PKP4: variants seen among roughly 807,000 people sequenced by gnomAD.
The protein encoded by PKP4 is plakophilin 4.
PKP4 carries 90 observed loss-of-function variants against 145.1 expected under a neutral mutation model. The observed-to-expected ratio is 0.62, with a 90% CI of 0.52 to 0.74. PKP4 has a LOEUF of 0.74. Among genes scored for constraint, PKP4 ranks in the 30% least tolerant of loss-of-function variants. The pLI is 0.00. For synonymous variants in PKP4, 563 were observed against 577.2 expected (o/e 0.98, Z 0.35); for missense variants, 1,340 against 1,482.7 (o/e 0.90, Z 1.58).
intron 3 of PKP4, among the ~76,000 whole-genome samples, chr2:158,595,997 C>T (rs561999502): frequency 6.8e-6 from 1 of 147,372 alleles, no homozygotes; most frequent in African/African-American, 2.5e-5. Context: ...AACTCATTGC[C>T]AAAAAATAAA....
intron 1 of PKP4, among the ~76,000 whole-genome samples, chr2:158,479,217 TTTA>T (rs979796355): frequency 2.0e-5 from 3 of 151,942 alleles, no homozygotes; most frequent in Admixed American, 1.3e-4. Flanking sequence ...TTAAATTTAT[TTTA>T]TTATTATTAT....
chr2:158,523,046 G>A (rs1393941677), intron 1 of PKP4, among the ~76,000 whole-genome samples: 2 of 152,066 alleles, frequency 1.3e-5, no homozygotes, highest in Non-Finnish European at 2.9e-5. Context: ...CAGCAGCGAG[G>A]CTGGGGGAGG....
rs540506675 is a variant in PKP4, at chr2:158,679,965, A to G, written c.3331-464A>G. Among the ~76,000 whole-genome samples the G allele has an allele frequency of 5.9e-5, 9 of 152,342 alleles. No individual in the cohort carries two copies. The East Asian group carries it at 1.7e-3, about 29-fold the overall frequency. On this transcript the variant is annotated intron_variant, in intron 21 of 21. Transcript: ENST00000389759. ...ATATCTGAAGTAAATGTTCTAAAAGATGGTTCGGTAATTATACAATTATCC... is the reference window on the plus strand; with the variant it reads ...ATATCTGAAGTAAATGTTCTAAAAGGTGGTTCGGTAATTATACAATTATCC...
intron 3 of PKP4, among the ~76,000 whole-genome samples, chr2:158,593,120 C>T (rs982196445): frequency 1.6e-4 from 25 of 152,202 alleles, no homozygotes; most frequent in African/African-American, 5.8e-4. Context: ...TCTATTTCTT[C>T]ACCTTTGGAA....
chr2:158,620,381 T>C (rs1265436491), intron 4 of PKP4, among the ~76,000 whole-genome samples: 2 of 152,078 alleles, frequency 1.3e-5, no homozygotes, highest in African/African-American at 4.8e-5. Context: ...ATGGAAGAGA[T>C]GAGTTTGGCT....
At chr2:158,530,272 G>A (rs918003635) in intron 1 of PKP4, among the ~76,000 whole-genome samples, 1 of 152,118 alleles carries the variant, frequency 6.6e-6, no homozygotes, top group Admixed American at 6.5e-5. Flanking sequence ...AGTTTGTAAT[G>A]TGAAGAGTCT....
intron 2 of PKP4, among the ~76,000 whole-genome samples, chr2:158,559,883 T>G (rs563547349): frequency 7.2e-5 from 11 of 152,268 alleles, no homozygotes; most frequent in African/African-American, 2.6e-4. Flanking sequence ...CCTTTTTTTT[T>G]TGAGGCAGAG....
At chr2:158,668,372 C>T (rs985738805) in intron 16 of PKP4, among the ~76,000 whole-genome samples, 5 of 152,154 alleles carry the variant, frequency 3.3e-5, no homozygotes, top group African/African-American at 1.2e-4. Context: ...ATCATCAGCA[C>T]TAGCAAAGGA....
At chr2:158,648,788 C>G (rs1246839111) in intron 11 of PKP4, among the ~76,000 whole-genome samples, 2 of 152,204 alleles carry the variant, frequency 1.3e-5, no homozygotes, top group African/African-American at 4.8e-5. Flanking sequence ...CACTCGAGGT[C>G]AGGAGTTCAA....
At position 158,588,542 on chromosome 2, in the gene PKP4, A is replaced by G. The variant is rs534371738; in HGVS notation, c.245+11159A>G. Among the ~76,000 whole-genome samples, 160 of 152,174 alleles carry G rather than the reference A, an allele frequency of 1.1e-3. 7 individuals carry two copies. The South Asian group carries it at 0.033, about 31-fold the overall frequency. On this transcript the variant is annotated intron_variant, in intron 3 of 21. Transcript: ENST00000389759. ...TTGGCTTGTTATTTTTGGTTCTATC[A>G]TTAGTTTTTTAAAGCTAAAATAACT...
At chr2:158,621,750 C>CAA (rs112367194) in intron 6 of PKP4, among the ~76,000 whole-genome samples, 1 of 64,502 alleles carries the variant, frequency 1.6e-5, no homozygotes, top group Admixed American at 1.7e-4. Flanking sequence ...CGTCTCAAAA[C>CAA]AAAAAAAAAA....
intron 3 of PKP4, among the ~76,000 whole-genome samples, chr2:158,585,827 T>C (rs1389378228): frequency 6.6e-6 from 1 of 151,312 alleles, no homozygotes; most frequent in African/African-American, 2.4e-5. Flanking sequence ...TTCAGTGTTT[T>C]TAAGTATATT....
At chr2:158,550,143 A>ATTCTATTAAATACTATTTAT (rs564291706) in intron 2 of PKP4, among the ~76,000 whole-genome samples, 1 of 147,046 alleles carries the variant, frequency 6.8e-6, no homozygotes, top group Non-Finnish European at 1.5e-5. Flanking sequence ...TGCCAAGAAG[A>ATTCTATTAAATACTATTTAT]AGTTAAACAA....
At chr2:158,577,860 CACAT>C (rs1053633846) in intron 3 of PKP4, among the ~76,000 whole-genome samples, 12 of 152,190 alleles carry the variant, frequency 7.9e-5, no homozygotes, top group African/African-American at 2.4e-4. Flanking sequence ...TTACTGTACT[CACAT>C]ACAGTAAATA....
chr2:158,678,541 A>T, intron 20 of PKP4, 40 bp from the exon 21 acceptor site: 1 of 1,407,108 alleles, frequency 7.1e-7, no homozygotes, highest in South Asian at 1.2e-5. Flanking sequence ...GACCAGAGTA[A>T]TAAGCACTAG....
chr2:158,563,466 T>G (rs1243627547), intron 2 of PKP4, among the ~76,000 whole-genome samples: 2 of 152,184 alleles, frequency 1.3e-5, no homozygotes, highest in African/African-American at 4.8e-5. Flanking sequence ...ACTGCCTGGC[T>G]TTATTTTCCT....
chr2:158,652,251 A>G (rs533324936), intron 11 of PKP4, among the ~76,000 whole-genome samples: 1 of 152,340 alleles, frequency 6.6e-6, no homozygotes, highest in South Asian at 2.1e-4. Flanking sequence ...TGGACTAGCC[A>G]TATTTCAAGT....
At chr2:158,522,881 G>C (rs942853202) in intron 1 of PKP4, among the ~76,000 whole-genome samples, 1 of 152,202 alleles carries the variant, frequency 6.6e-6, no homozygotes, top group Non-Finnish European at 1.5e-5. Flanking sequence ...GACGCACCTG[G>C]AAAATCGGGT....
intron 11 of PKP4, among the ~76,000 whole-genome samples, chr2:158,656,561 G>A (rs1439498616): frequency 1.2e-4 from 18 of 152,252 alleles, no homozygotes; most frequent in Middle Eastern, 6.8e-3. Flanking sequence ...GTAGAAAAGG[G>A]GTAAAAGTCC....
Sources: allele counts gnomAD v4.1 joint callset (sites outside exome capture counted in the v4.1 genomes callset), GRCh38; gene constraint gnomAD v4.1.1; transcripts MANE v1.5; gene names NCBI Gene and HGNC (gene_info 2026-07-23, HGNC 2026-07-21).